Variants in PAK5 observed in about 807,000 individuals in gnomAD.
PAK5 encodes serine/threonine-protein kinase PAK 5.
In PAK5, 16 loss-of-function variants were observed where a neutral mutation model predicts 65.9. That is an observed-to-expected ratio of 0.24 (90% CI 0.16 to 0.37). PAK5 has a LOEUF of 0.37. PAK5 is among the 10% of genes least tolerant of loss of function. The probability of loss-of-function intolerance (pLI) is 1.00; values close to 1 mark genes in which losing one functional copy is unlikely to be tolerated. For synonymous variants in PAK5, 371 were observed against 354.9 expected (o/e 1.05, Z -0.51); for missense variants, 785 against 903.9 (o/e 0.87, Z 1.69).
At chr20:9,754,701 AG>A (rs2048614150) in intron 1 of PAK5, among the ~76,000 whole-genome samples, 1 of 152,168 alleles carries the variant, frequency 6.6e-6, no homozygotes, top group Non-Finnish European at 1.5e-5. Context: ...GTTTCAGAAA[AG>A]CATTGTTATC....
intron 7 of PAK5, among the ~76,000 whole-genome samples, chr20:9,553,081 G>A (rs1002570499): frequency 7.9e-5 from 12 of 151,968 alleles, no homozygotes; most frequent in Non-Finnish European, 1.3e-4. Flanking sequence ...ACGTGCACCC[G>A]TCTCTCCCTA....
intron 5 of PAK5, among the ~76,000 whole-genome samples, chr20:9,564,664 T>C (rs1164318403): frequency 1.3e-5 from 2 of 152,158 alleles, no homozygotes; most frequent in Non-Finnish European, 2.9e-5. Flanking sequence ...ACATATCATT[T>C]GATCTGTTCA....
chr20:9,832,721 A>C (rs1205056843), intron 1 of PAK5, among the ~76,000 whole-genome samples: 1 of 152,246 alleles, frequency 6.6e-6, no homozygotes, highest in Non-Finnish European at 1.5e-5. Context: ...TTTAATACAT[A>C]AAACACACCA....
intron 3 of PAK5, among the ~76,000 whole-genome samples, chr20:9,641,798 G>A (rs1233165099): frequency 1.3e-5 from 2 of 152,128 alleles, no homozygotes; most frequent in Non-Finnish European, 2.9e-5. Context: ...CACTGCTGGG[G>A]GACTCAGTAC....
In PAK5 at chr20:9,577,866, G is replaced by A. The variant is rs903117290; in HGVS notation, c.990+2279C>T. Among the ~76,000 whole-genome samples, 61 of 152,166 alleles carry A rather than the reference G, an allele frequency of 4.0e-4. 1 individual carries two copies. The highest frequency in any genetic ancestry group is 1.5e-3 in the African/African-American group (61 of 41,430). On this transcript the variant is annotated intron_variant, in intron 4 of 9. Transcript: ENST00000353224. ...TGCTGTTTTTGTTGTTGTTGTTGGT[G>A]GTGGTGAGCCACAATAGTTTGTGCA...
intron 1 of PAK5, among the ~76,000 whole-genome samples, chr20:9,753,221 A>G (rs1320407783): frequency 6.6e-6 from 1 of 152,150 alleles, no homozygotes; most frequent in African/African-American, 2.4e-5. Flanking sequence ...TGTGTGTTAC[A>G]TAGCAATAAT....
At chr20:9,634,136 T>C (rs752705293) in intron 3 of PAK5, among the ~76,000 whole-genome samples, 28 of 152,166 alleles carry the variant, frequency 1.8e-4, no homozygotes, top group Non-Finnish European at 3.4e-4. Context: ...GTTGGGACCC[T>C]AGGAGCAGTC....
rs1255407351 is a variant in PAK5, at chr20:9,812,378, T to C, written c.-162+26384A>G. Among the ~76,000 whole-genome samples, 4 of 151,912 alleles carry C rather than the reference T, an allele frequency of 2.6e-5. No individual in the cohort carries two copies. The East Asian group carries it at 7.7e-4, about 29-fold the overall frequency. ...ACAAATGGCAAGTAACATATAAAAA[T>C]GATGTTCAACATCATTAGTCATTGG... On this transcript the variant is annotated intron_variant, in intron 1 of 9. Coordinates refer to ENST00000353224, the MANE Select transcript of PAK5 (RefSeq NM_177990.4).
intron 1 of PAK5, among the ~76,000 whole-genome samples, chr20:9,734,150 A>C (rs906390401): frequency 6.6e-6 from 1 of 152,330 alleles, no homozygotes; most frequent in East Asian, 1.9e-4. Context: ...AGTTGATCTC[A>C]GATGTGCTAA....
chr20:9,614,927 AT>A (rs2046628146), intron 3 of PAK5, among the ~76,000 whole-genome samples: 1 of 152,232 alleles, frequency 6.6e-6, no homozygotes, highest in South Asian at 2.1e-4. Flanking sequence ...GTAAAATGAA[AT>A]TTTTAACTTG....
At chr20:9,642,914 C>A (rs544268143) in intron 3 of PAK5, among the ~76,000 whole-genome samples, 1 of 152,260 alleles carries the variant, frequency 6.6e-6, no homozygotes, top group South Asian at 2.1e-4. Context: ...CTGTATTGAT[C>A]TTTGGGCAGA....
intron 1 of PAK5, among the ~76,000 whole-genome samples, chr20:9,714,481 G>T (rs2048117628): frequency 6.6e-6 from 1 of 152,070 alleles, no homozygotes; most frequent in Non-Finnish European, 1.5e-5. Context: ...CTATTTTCCA[G>T]TGCATTTGAA....
chr20:9,543,118 A>T (rs1348320601), intron 8 of PAK5, among the ~76,000 whole-genome samples: 2 of 152,208 alleles, frequency 1.3e-5, no homozygotes, highest in East Asian at 3.9e-4. Context: ...ATTTGTAACA[A>T]ACTGCAAAGG....
chr20:9,582,962 C>T (rs2123029773), intron 3 of PAK5, among the ~76,000 whole-genome samples: 1 of 152,154 alleles, frequency 6.6e-6, no homozygotes, highest in South Asian at 2.1e-4. Flanking sequence ...TTGAGCACTT[C>T]CTTACTTTCT....
rs368652135 is a variant in PAK5 at position 9,785,522 on chromosome 20, G to A, written c.-162+53240C>T. On this transcript the variant is annotated intron_variant, in intron 1 of 9. Coordinates refer to ENST00000353224, the MANE Select transcript of PAK5 (RefSeq NM_177990.4). ...CCACTCTTTGTATTTCCCTCTGAGCGTATCTCCTTGGAAAATTATCAAGTC... is the reference window on the plus strand; with the variant it reads ...CCACTCTTTGTATTTCCCTCTGAGCATATCTCCTTGGAAAATTATCAAGTC... 5.4e-4 allele frequency among the ~76,000 whole-genome samples: 82 copies of A among 152,220 alleles called. 1 individual carries two copies. The South Asian group carries it at 0.014, about 25-fold the overall frequency.
rs11471167 is a variant in PAK5 at position 9,552,724 on chromosome 20, G to GT, written c.1743+4883dup. On this transcript the variant is annotated intron_variant, in intron 7 of 9. Transcript: ENST00000353224. ...TTTAAAAAATTTTTAAAATTTTTTA[G>GT]TTTTTTTTTTTTTTGGCGACAGGGT... 7.1e-5 allele frequency among the ~76,000 whole-genome samples: 10 copies of GT among 141,200 alleles called. 1 individual carries two copies. The highest frequency in any genetic ancestry group is 6.2e-5 in the Non-Finnish European group (4 of 64,270). The allele number at this position is 141,200 out of a possible 152,430, so 92.6% of individuals were successfully genotyped here.
chr20:9,796,873 A>G (rs2049110822), intron 1 of PAK5, among the ~76,000 whole-genome samples: 1 of 152,160 alleles, frequency 6.6e-6, no homozygotes, highest in African/African-American at 2.4e-5. Flanking sequence ...TCAGAGAAGG[A>G]GCATGATTTA....
intron 2 of PAK5, among the ~76,000 whole-genome samples, chr20:9,656,338 A>C (rs2047267665): frequency 6.6e-6 from 1 of 152,066 alleles, no homozygotes; most frequent in South Asian, 2.1e-4. Context: ...GGCTTCTAAC[A>C]AGCAGACAGC....
chr20:9,682,104 T>A (rs2047657713), intron 2 of PAK5, among the ~76,000 whole-genome samples: 1 of 152,182 alleles, frequency 6.6e-6, no homozygotes, highest in African/African-American at 2.4e-5. Context: ...ATGCCTGTAA[T>A]CCCAGCACTT....
Sources: gnomAD v4.1 joint callset for allele counts (sites outside exome capture counted in the v4.1 genomes callset) on GRCh38, gnomAD v4.1.1 for gene constraint, MANE v1.5 for transcripts, NCBI Gene and HGNC (gene_info 2026-07-23, HGNC 2026-07-21) for gene names.